The following SLC2A1 variants were observed in gnomAD, a reference collection of about 807,000 sequenced individuals.
SLC2A1 encodes solute carrier family 2 member 1.
Under a neutral mutation model 46.6 loss-of-function variants are expected in SLC2A1, and 4 were observed. The ratio of observed to expected loss-of-function variants is 0.09; its 90% confidence interval spans 0.04 to 0.20. SLC2A1 has a LOEUF of 0.20. Ranked by LOEUF, SLC2A1 falls within the 10% of genes least tolerant of loss-of-function variation. The probability of loss-of-function intolerance (pLI) is 1.00; values close to 1 mark genes in which losing one functional copy is unlikely to be tolerated. For missense variants in SLC2A1, 352 were observed against 667.0 expected (o/e 0.53, Z 5.20); for synonymous variants, 253 against 270.0 (o/e 0.94, Z 0.62).
chr1:42,934,441 C>T (rs1643522044), intron 2 of SLC2A1, among the ~76,000 whole-genome samples: 1 of 152,122 alleles, frequency 6.6e-6, no homozygotes, highest in African/African-American at 2.4e-5. Flanking sequence ...GAAGAAGCCA[C>T]GCCTGGTTTT....
At chr1:42,956,351 C>T (rs947125069) in intron 1 of SLC2A1, among the ~76,000 whole-genome samples, 6 of 140,772 alleles carry the variant, frequency 4.3e-5, no homozygotes, top group African/African-American at 1.3e-4. Flanking sequence ...CATCTGAGGT[C>T]GGGAGTTCGA....
intron 1 of SLC2A1, among the ~76,000 whole-genome samples, chr1:42,945,194 T>C (rs1162792136): frequency 2.6e-5 from 4 of 152,194 alleles, no homozygotes; most frequent in Admixed American, 2.0e-4. Flanking sequence ...TACTGTATTT[T>C]TCTGGAACAC....
At chr1:42,956,407 C>CAAAAAAAAAAAAAA (rs71577684) in intron 1 of SLC2A1, among the ~76,000 whole-genome samples, 9 of 44,504 alleles carry the variant, frequency 2.0e-4, no homozygotes, top group African/African-American at 8.5e-4. Context: ...ACTAAAACTA[C>CAAAAAAAAAAAAAA]AAAAAAAAAA....
Position 42,925,816 on chromosome 1 carries a change from T to A in SLC2A1, c.*1225A>T, listed in dbSNP as rs1166592577. 6.6e-6 allele frequency: 1 copy of A among 152,188 alleles called. No homozygotes were observed. Among genetic ancestry groups the A allele is most frequent in the Non-Finnish European group, 1.5e-5 (1 of 68,044 alleles). 9.4% of individuals were successfully genotyped at this position (152,188 alleles called of 1,614,324 possible). ...TGTGCGACTTCAGGCACATAACCTCTTTGAGCCTGTCCAATAAAGGTACAG... is the reference window on the plus strand; with the variant it reads ...TGTGCGACTTCAGGCACATAACCTCATTGAGCCTGTCCAATAAAGGTACAG... On this transcript the variant is annotated 3_prime_UTR_variant, in exon 10 of 10. Coordinates refer to ENST00000426263, the MANE Select transcript of SLC2A1 (RefSeq NM_006516.4).
At chr1:42,932,213 G>C (rs1329355751) in intron 2 of SLC2A1, among the ~76,000 whole-genome samples, 2 of 152,114 alleles carry the variant, frequency 1.3e-5, no homozygotes, top group Admixed American at 1.3e-4. Context: ...TCCACACAAG[G>C]AAGCAGTTCC....
At chr1:42,953,834 C>CT (rs1307591792) in intron 1 of SLC2A1, among the ~76,000 whole-genome samples, 2 of 152,156 alleles carry the variant, frequency 1.3e-5, no homozygotes, top group Non-Finnish European at 2.9e-5. Flanking sequence ...CCCTGGATGG[C>CT]TCGGTACTAG....
Position 42,958,621 on chromosome 1 carries a change from G to A in SLC2A1, c.18+13C>T, listed in dbSNP as rs1419464741. ...TTGTTCCTGGCGGGAGGGCCCGCGG[G>A]CGCGCGACTCACCTTGCTGCTGGGC... is the stretch of plus-strand genomic sequence containing the variant. On this transcript the variant is annotated intron_variant, in intron 1 of 9. Transcript: ENST00000426263. 6.6e-7 allele frequency: 1 copy of A among 1,525,202 alleles called. No homozygotes were observed. Among genetic ancestry groups the A allele is most frequent in the Non-Finnish European group, 8.8e-7 (1 of 1,141,712 alleles). 94.5% of individuals were successfully genotyped at this position (1,525,202 alleles called of 1,614,324 possible). A position where few individuals can be genotyped will look rare whatever the true frequency, so the allele number is the denominator to read the frequency against.
intron 1 of SLC2A1, chr1:42,952,092 T>G: frequency 2.2e-6 from 1 of 453,240 alleles, no homozygotes; most frequent in Non-Finnish European, 3.9e-6. Flanking sequence ...CAACAGATGA[T>G]GGGCATTTGC....
Position 42,927,040 on chromosome 1 carries a change from C to T in SLC2A1, c.*1G>A. Reference sequence around the variant, plus strand: ...AGGCCGGGCTGGTGATCTGGGGCGACTCACACTTGGGAATCAGCCCCCAGG... The same window carrying T: ...AGGCCGGGCTGGTGATCTGGGGCGATTCACACTTGGGAATCAGCCCCCAGG... On this transcript the variant is annotated 3_prime_UTR_variant, in exon 10 of 10. Coordinates refer to ENST00000426263, the MANE Select transcript of SLC2A1 (RefSeq NM_006516.4). The surrounding 1 kb of genome is among the most constrained non-coding windows in gnomAD (Gnocchi z 5.3). 2 of 1,613,344 alleles carry T rather than the reference C, an allele frequency of 1.2e-6. No individual in the cohort carries two copies. The highest frequency in any genetic ancestry group is 2.7e-5 in the African/African-American group (2 of 75,032).
chr1:42,950,683 C>A (rs1352834299), intron 1 of SLC2A1, among the ~76,000 whole-genome samples: 1 of 152,176 alleles, frequency 6.6e-6, no homozygotes, highest in Non-Finnish European at 1.5e-5. Context: ...TTAAAAAAGT[C>A]CTTTCCTGGC....
At chr1:42,933,126 G>C (rs1318173214) in intron 2 of SLC2A1, among the ~76,000 whole-genome samples, 1 of 152,170 alleles carries the variant, frequency 6.6e-6, no homozygotes, top group Non-Finnish European at 1.5e-5. Context: ...AGTGCTGCAG[G>C]GAATCAGTGA....
chr1:42,929,976 G>T lies in SLC2A1; in HGVS notation c.576C>A (p.Ile192=). ...NKDLWPLLLS[I]IFIPALLQCI... ...ACTGCAGCAGGGCCGGGATGAAGAT[G>T]ATGCTCAGCAGCAGGGGCCACAGGT... The change falls in exon 5 of 10, where the codon ATC becomes ATA. Residue 192 remains isoleucine, a synonymous_variant. Transcript: ENST00000426263. This position sits in a 1 kb window ranked among gnomAD's most constrained non-coding sequence, Gnocchi z 6.0. The T allele has an allele frequency of 6.2e-7, 1 of 1,614,184 alleles. No homozygotes were observed. Among genetic ancestry groups the T allele is most frequent in the Non-Finnish European group, 8.5e-7 (1 of 1,180,022 alleles).
chr1:42,945,802 G>A (rs186363329), intron 1 of SLC2A1, among the ~76,000 whole-genome samples: 37 of 151,628 alleles, frequency 2.4e-4, no homozygotes, highest in Admixed American at 1.6e-3. Flanking sequence ...TTCTAACCCC[G>A]GGGGGGCCTG....
Position 42,926,714 on chromosome 1 carries a change from C to T in SLC2A1, c.*327G>A, listed in dbSNP as rs1643430343. On this transcript the variant is annotated 3_prime_UTR_variant, in exon 10 of 10. Transcript: ENST00000426263. Reference sequence around the variant, plus strand: ...GTGTCTCGACAGGGCTTAGTCTCCACCCTCAGGCATGGAACCATTCAGGGT... The same window carrying T: ...GTGTCTCGACAGGGCTTAGTCTCCATCCTCAGGCATGGAACCATTCAGGGT... 2 of 1,364,000 alleles carry T rather than the reference C, an allele frequency of 1.5e-6. No homozygotes were observed. Among genetic ancestry groups the T allele is most frequent in the Non-Finnish European group, 1.9e-6 (2 of 1,038,256 alleles). The allele number at this position is 1,364,000 out of a possible 1,614,324, so 84.5% of individuals were successfully genotyped here.
intron 1 of SLC2A1, among the ~76,000 whole-genome samples, chr1:42,944,154 C>T (rs567843547): frequency 6.6e-6 from 1 of 152,224 alleles, no homozygotes; most frequent in East Asian, 1.9e-4. Context: ...GAGTGTGGGG[C>T]TAAGGTGTTT....
At chr1:42,935,126 G>A (rs1324567234) in intron 2 of SLC2A1, among the ~76,000 whole-genome samples, 1 of 152,160 alleles carries the variant, frequency 6.6e-6, no homozygotes, top group African/African-American at 2.4e-5. Context: ...TTCCTGGGGG[G>A]ACTGCCATGG....
At chr1:42,939,798 A>G (rs1035868231) in intron 2 of SLC2A1, among the ~76,000 whole-genome samples, 5 of 151,956 alleles carry the variant, frequency 3.3e-5, no homozygotes, top group Non-Finnish European at 5.9e-5. Flanking sequence ...AAACACAAAA[A>G]TTAGCTGGGC....
At position 42,929,165 on chromosome 1, in the gene SLC2A1, T is replaced by A; in HGVS notation, c.972+45A>T. On this transcript the variant is annotated intron_variant, in intron 7 of 9. Transcript: ENST00000426263. This position sits in a 1 kb window ranked among gnomAD's most constrained non-coding sequence, Gnocchi z 6.0. ...GACCAGTGGGGAAGATGGCACTGCC[T>A]CCTCCCTGGGGTTTGGCTGGGGGGG... The A allele has an allele frequency of 6.3e-7, 1 of 1,577,718 alleles. No homozygotes were observed. The highest frequency in any genetic ancestry group is 8.7e-7 in the Non-Finnish European group (1 of 1,147,298).
At chr1:42,937,164 C>T (rs1265841916) in intron 2 of SLC2A1, among the ~76,000 whole-genome samples, 3 of 152,244 alleles carry the variant, frequency 2.0e-5, no homozygotes, top group South Asian at 2.1e-4. Flanking sequence ...TTTCCATCAT[C>T]GCCTTTAGAA....
Sources: gnomAD v4.1 joint callset for allele counts (sites outside exome capture counted in the v4.1 genomes callset) on GRCh38, gnomAD v4.1.1 for gene constraint, Gnocchi (gnomAD v3.1) non-coding constraint, MANE v1.5 for transcripts, NCBI Gene and HGNC (gene_info 2026-07-23, HGNC 2026-07-21) for gene names.